GIPC1: variants seen among roughly 807,000 people sequenced by gnomAD.
GIPC1 encodes PDZ domain-containing protein GIPC1.
GIPC1 carries 15 observed loss-of-function variants against 28.5 expected under a neutral mutation model. The observed-to-expected ratio is 0.53, with a 90% CI of 0.35 to 0.81. The LOEUF (loss-of-function observed/expected upper bound fraction) is 0.81, where lower values mean the gene tolerates loss of function less well. GIPC1 is among the 30% of genes least tolerant of loss of function. The pLI, the probability that GIPC1 is intolerant of heterozygous loss-of-function variation, is 0.01. For synonymous variants in GIPC1, 224 were observed against 206.1 expected (o/e 1.09, Z -0.74); for missense variants, 439 against 481.9 (o/e 0.91, Z 0.83).
intron 4 of GIPC1, 34 bp downstream of exon 4, chr19:14,482,655 C>T (rs1301731183): frequency 6.2e-7 from 1 of 1,601,578 alleles, no homozygotes; most frequent in Non-Finnish European, 8.5e-7. Flanking sequence ...GGTCCACCAT[C>T]AGGGACCCTG....
At chr19:14,490,466 T>C (rs931162654) in intron 3 of GIPC1, among the ~76,000 whole-genome samples, 1 of 139,246 alleles carries the variant, frequency 7.2e-6, no homozygotes. Flanking sequence ...TCACCTGAGG[T>C]CGAGAGTTCG....
rs1009248245 is a variant in GIPC1, at chr19:14,492,930, T to C, written c.-174-18A>G. 1 of 152,242 alleles carries C rather than the reference T, an allele frequency of 6.6e-6. No homozygotes were observed. The highest frequency in any genetic ancestry group is 2.4e-5 in the African/African-American group (1 of 41,440). The allele number at this position is 152,242 out of a possible 1,614,324, so 9.4% of individuals were successfully genotyped here. A position where few individuals can be genotyped will look rare whatever the true frequency, so the allele number is the denominator to read the frequency against. ...TTCTTCATCTGAAAAATGGGTGGAA[T>C]TCCTGTCACTCTCAAGGTGGTTGTG... On this transcript the variant is annotated intron_variant, in intron 1 of 8. Coordinates refer to ENST00000393033, the MANE Select transcript of GIPC1 (RefSeq NM_005716.4).
At chr19:14,489,050 T>C (rs935218785) in intron 3 of GIPC1, among the ~76,000 whole-genome samples, 1 of 151,880 alleles carries the variant, frequency 6.6e-6, no homozygotes, top group African/African-American at 2.4e-5. Context: ...CTCAACCTCC[T>C]GAATAGCTGA....
At position 14,482,805 on chromosome 19, in the gene GIPC1, G is replaced by A. The variant is rs752994232; in HGVS notation, c.172C>T (p.Leu58Phe). Reference sequence around the variant, plus strand: ...TGGGCCAGCTGGGTGTGGAACACGAGGCGGGGCCGCAGGGCTGGGGGAGGG... The same window carrying A: ...TGGGCCAGCTGGGTGTGGAACACGAAGCGGGGCCGCAGGGCTGGGGGAGGG... ...PPPPPALRPR[L>F]VFHTQLAHGS... The change falls in exon 4 of 9, where the codon CTC (leucine) becomes TTC (phenylalanine). Residue 58 changes from leucine to phenylalanine, a missense_variant. By Grantham distance (22) the Leu-to-Phe change is conservative (BLOSUM62 0). Transcript: ENST00000393033. 4 of 1,599,964 alleles carry A rather than the reference G, an allele frequency of 2.5e-6. No homozygotes were observed. Among genetic ancestry groups the A allele is most frequent in the Non-Finnish European group, 2.6e-6 (3 of 1,174,544 alleles).
In GIPC1 at chr19:14,480,294, C is replaced by T. The variant is rs375961684; in HGVS notation, c.655+11G>A. ...AGCGCCACTGGGGAGGTCCAGGGGG[C>T]GGCTCCTCACCGAAGGCCTTGCGAG... is the stretch of plus-strand genomic sequence containing the variant. On this transcript the variant is annotated intron_variant, in intron 6 of 8. Transcript: ENST00000393033. 3 of 1,606,534 alleles carry T rather than the reference C, an allele frequency of 1.9e-6. No individual in the cohort carries two copies. Among genetic ancestry groups the T allele is most frequent in the African/African-American group, 1.3e-5 (1 of 74,792 alleles).
chr19:14,480,518 C>T, intron 5 of GIPC1, 33 bp from the exon 6 acceptor site: 2 of 1,605,366 alleles, frequency 1.2e-6, no homozygotes, highest in South Asian at 2.2e-5. Flanking sequence ...GCCCTTGGGG[C>T]TCTGCCCTGG....
intron 1 of GIPC1, among the ~76,000 whole-genome samples, chr19:14,494,414 G>A (rs2072036172): frequency 6.6e-6 from 1 of 152,190 alleles, no homozygotes; most frequent in African/African-American, 2.4e-5. Flanking sequence ...TCTTTGCTGG[G>A]CTGGCACCCC....
intron 3 of GIPC1, among the ~76,000 whole-genome samples, chr19:14,486,712 C>CTTTTTTTTTTTTTT (rs35491814): frequency 1.6e-5 from 2 of 124,756 alleles, no homozygotes; most frequent in African/African-American, 3.0e-5. Context: ...TTCTTTCTTT[C>CTTTTTTTTTTTTTT]TTTTTTTTTT....
At position 14,478,285 on chromosome 19, in the gene GIPC1, C is replaced by G; in HGVS notation, c.*131G>C. 4.3e-6 allele frequency: 4 copies of G among 927,766 alleles called. No homozygotes were observed. Among genetic ancestry groups the G allele is most frequent in the Non-Finnish European group, 6.4e-6 (4 of 627,586 alleles). 57.5% of individuals were successfully genotyped at this position (927,766 alleles called of 1,614,324 possible). A position where few individuals can be genotyped will look rare whatever the true frequency, so the allele number is the denominator to read the frequency against. On this transcript the variant is annotated 3_prime_UTR_variant, in exon 9 of 9. Transcript: ENST00000393033. The surrounding 1 kb of genome is among the most constrained non-coding windows in gnomAD (Gnocchi z 5.2). ...AGCGGGGCAGGGGGCCTGGCCCCAC[C>G]TCCCCTCACCATCGTCCTTGGGCTG...
In GIPC1 at chr19:14,480,635, C is replaced by T; in HGVS notation, c.432G>A (p.Gly144=). The T allele has an allele frequency of 6.2e-7, 1 of 1,614,206 alleles. No individual in the cohort carries two copies. The highest frequency in any genetic ancestry group is 8.5e-7 in the Non-Finnish European group (1 of 1,180,018). The change falls in exon 5 of 9, where the codon GGG becomes GGA. Residue 144 remains glycine, a synonymous_variant. Transcript: ENST00000393033. ...VEVFKSEDAL[G]LTITDNGAGY... ...CAGCCCCGTTGTCCGTGATGGTGAG[C>T]CCGAGTGCATCCTCCGACTTGAACA...
intron 3 of GIPC1, among the ~76,000 whole-genome samples, chr19:14,490,499 G>A (rs192382998): frequency 9.3e-5 from 14 of 151,154 alleles, no homozygotes; most frequent in Admixed American, 3.3e-4. Context: ...CCAACATGGA[G>A]AAACCCCATC....
chr19:14,480,206 C>T (rs2146460811), intron 6 of GIPC1, 99 bp downstream of exon 6: 1 of 1,022,630 alleles, frequency 9.8e-7, no homozygotes, highest in Non-Finnish European at 1.5e-6. Flanking sequence ...TCCCTTTCGG[C>T]AGGCCAGGCT....
Position 14,478,416 on chromosome 19 carries a change from C to T in GIPC1, c.1002G>A (p.Ter334=), listed in dbSNP as rs1303135981. Residue 334 remains the stop codon, a stop_retained_variant, in exon 9 of 9, where the codon TAG becomes TAA. Transcript: ENST00000393033. This position sits in a 1 kb window ranked among gnomAD's most constrained non-coding sequence, Gnocchi z 5.2. ...AIGDAKVGRY[*] ...ATCATCGCAGGGTCCGGGGGCAGTC[C>T]TAGTAGCGGCCGACCTTGGCGTCCC... 6 of 1,606,040 alleles carry T rather than the reference C, an allele frequency of 3.7e-6. No individual in the cohort carries two copies. The highest frequency in any genetic ancestry group is 5.1e-6 in the Non-Finnish European group (6 of 1,176,702).
At chr19:14,489,180 T>C (rs920833201) in intron 3 of GIPC1, among the ~76,000 whole-genome samples, 3 of 152,106 alleles carry the variant, frequency 2.0e-5, no homozygotes, top group Admixed American at 6.6e-5. Flanking sequence ...GCCTTGGCCT[T>C]CCAAAGTGCT....
At chr19:14,495,685 C>T (rs1455771586) in intron 1 of GIPC1, among the ~76,000 whole-genome samples, 2 of 152,034 alleles carry the variant, frequency 1.3e-5, no homozygotes, top group African/African-American at 2.4e-5. Flanking sequence ...GGTTCAGACG[C>T]GGTTAGCTCA....
At chr19:14,494,620 G>C (rs1028801775) in intron 1 of GIPC1, among the ~76,000 whole-genome samples, 2 of 152,146 alleles carry the variant, frequency 1.3e-5, no homozygotes, top group Admixed American at 6.5e-5. Flanking sequence ...ACAGTGCCTA[G>C]CACATGCACG....
At chr19:14,495,874 C>A (rs1203882046) in intron 1 of GIPC1, among the ~76,000 whole-genome samples, 163 bp downstream of exon 1, 1 of 151,722 alleles carries the variant, frequency 6.6e-6, no homozygotes, top group Non-Finnish European at 1.5e-5. Context: ...CCCCCCACCC[C>A]CGCTTCCCCT....
chr19:14,480,818 TC>T, intron 4 of GIPC1, 40 bp from the exon 5 acceptor site: 2 of 1,425,204 alleles, frequency 1.4e-6, no homozygotes, highest in Non-Finnish European at 2.0e-6. Flanking sequence ...TCCCCCTCCC[TC>T]CCCCTTTTCT....
intron 3 of GIPC1, among the ~76,000 whole-genome samples, chr19:14,491,052 G>A (rs1171768347): frequency 6.6e-6 from 1 of 152,014 alleles, no homozygotes; most frequent in Non-Finnish European, 1.5e-5. Context: ...GCTCCCGCCT[G>A]TAATCCCAAC....
Sources: gnomAD v4.1 joint callset for allele counts (sites outside exome capture counted in the v4.1 genomes callset) on GRCh38, gnomAD v4.1.1 for gene constraint, Gnocchi (gnomAD v3.1) non-coding constraint, MANE v1.5 for transcripts, NCBI Gene and HGNC (gene_info 2026-07-23, HGNC 2026-07-21) for gene names.